BLMH: variants seen among roughly 807,000 people sequenced by gnomAD.
BLMH encodes bleomycin hydrolase, also known as BLM hydrolase.
BLMH carries 32 observed loss-of-function variants against 61.6 expected under a neutral mutation model. The ratio of observed to expected loss-of-function variants is 0.52; its 90% CI spans 0.39 to 0.70. The LOEUF is 0.70. Ranked by LOEUF, BLMH falls within the 30% of genes least tolerant of loss-of-function variation. The pLI, the probability that BLMH is intolerant of heterozygous loss-of-function variation, is 0.00. For synonymous variants in BLMH, 183 were observed against 193.8 expected (o/e 0.94, Z 0.46); for missense variants, 460 against 555.5 (o/e 0.83, Z 1.73).
At position 30,249,430 on chromosome 17, in the gene BLMH, T is replaced by C. The variant is rs969716908; in HGVS notation, c.1217-262A>G. The C allele has an allele frequency of 8.7e-5, 37 of 427,026 alleles. 1 individual carries two copies. The highest frequency in any genetic ancestry group is 5.3e-4 in the South Asian group (22 of 41,486). The allele number at this position is 427,026 out of a possible 1,614,324, so 26.5% of individuals were successfully genotyped here. Reference sequence around the variant, plus strand: ...CAGGTCACATGGTGAGGTTCAGAGCTGGGCCTTGGACCTAAGGCTAACACC... The same window carrying C: ...CAGGTCACATGGTGAGGTTCAGAGCCGGGCCTTGGACCTAAGGCTAACACC... On this transcript the variant is annotated intron_variant, in intron 11 of 11. Coordinates refer to ENST00000261714, the MANE Select transcript of BLMH (RefSeq NM_000386.4).
Position 30,285,543 on chromosome 17 carries a change from T to C in BLMH, c.553-63A>G, listed in dbSNP as rs755842046. The C allele has an allele frequency of 8.8e-5, 117 of 1,323,642 alleles. 1 individual carries two copies. The highest frequency in any genetic ancestry group is 1.2e-4 in the Non-Finnish European group (113 of 945,114). The allele number at this position is 1,323,642 out of a possible 1,614,324, so 82.0% of individuals were successfully genotyped here. On this transcript the variant is annotated intron_variant, in intron 5 of 11. Transcript: ENST00000261714. ...CGAATTCAATTGTAAATGACTCTCATAGACCAACGCAAGTTCTATTTTGAG... is the reference window on the plus strand; with the variant it reads ...CGAATTCAATTGTAAATGACTCTCACAGACCAACGCAAGTTCTATTTTGAG...
intron 6 of BLMH, among the ~76,000 whole-genome samples, chr17:30,275,039 TAAAAAA>T (rs539113684): frequency 8.0e-6 from 1 of 125,450 alleles, no homozygotes; most frequent in Non-Finnish European, 1.7e-5. Context: ...AGTCATGGTT[TAAAAAA>T]AAAAAAAAAA....
At chr17:30,264,060 C>T (rs1457842718) in intron 11 of BLMH, among the ~76,000 whole-genome samples, 2 of 152,212 alleles carry the variant, frequency 1.3e-5, no homozygotes, top group East Asian at 1.9e-4. Flanking sequence ...ACATACTATG[C>T]GCTCTCCTGA....
chr17:30,252,989 CTAAG>C (rs1907715003), intron 11 of BLMH, among the ~76,000 whole-genome samples: 1 of 152,238 alleles, frequency 6.6e-6, no homozygotes, highest in African/African-American at 2.4e-5. Flanking sequence ...ATACTGCATC[CTAAG>C]TGAGTGCTTC....
intron 5 of BLMH, 164 bp from the exon 6 acceptor site, chr17:30,285,644 A>G (rs1162569118): frequency 1.0e-5 from 5 of 482,964 alleles, no homozygotes; most frequent in Middle Eastern, 5.3e-4. Context: ...ACTTAAACAC[A>G]TAGCTAAAAA....
intron 6 of BLMH, among the ~76,000 whole-genome samples, chr17:30,280,485 ATTT>A (rs1262844237): frequency 1.3e-5 from 2 of 151,998 alleles, no homozygotes; most frequent in Non-Finnish European, 2.9e-5. Context: ...ACTTCTTTTT[ATTT>A]TTTTAAGAGA....
At position 30,249,030 on chromosome 17, in the gene BLMH, G is replaced by A. The variant is rs1265234023; in HGVS notation, c.1355C>T (p.Ala452Val). 6.2e-7 allele frequency: 1 copy of A among 1,613,920 alleles called. No individual in the cohort carries two copies. Among genetic ancestry groups the A allele is most frequent in the African/African-American group, 1.3e-5 (1 of 74,914 alleles). ...TGGAGGGCAGTATCACTCAGCCAAA[G>A]CTCCCATGGGGTCCCATGCTGGCAG... ...IILPAWDPMGALAE is the reference protein window; with the variant it reads ...IILPAWDPMGVLAE The change falls in exon 12 of 12, where the codon GCT becomes GTT. Residue 452 changes from alanine to valine, a missense_variant. Transcript: ENST00000261714.
In BLMH at chr17:30,289,469, G is replaced by C; in HGVS notation, c.225C>G (p.Ile75Met). The C allele has an allele frequency of 6.2e-7, 1 of 1,610,248 alleles. No individual in the cohort carries two copies. Among genetic ancestry groups the C allele is most frequent in the Non-Finnish European group, 8.5e-7 (1 of 1,177,960 alleles). The change falls in exon 3 of 12, where the codon ATC (isoleucine) becomes ATG (methionine). Residue 75 changes from isoleucine (I) to methionine (M), a missense_variant. Around this residue, in one of 5 missense-constraint regions of BLMH, gnomAD observed 7 missense variants for 22.6 expected, o/e 0.31. Coordinates refer to ENST00000261714, the MANE Select transcript of BLMH (RefSeq NM_000386.4). Reference sequence around the variant, plus strand: ...GCCTCATAACATTCAGACAAGAAAAGATCCAGCATCGCCCTGAAACAAGAA... The same window carrying C: ...GCCTCATAACATTCAGACAAGAAAACATCCAGCATCGCCCTGAAACAAGAA... ...TNQKSSGRCWIFSCLNVMRLP... is the reference protein window; with the variant it reads ...TNQKSSGRCWMFSCLNVMRLP...
At chr17:30,251,820 G>A (rs764913561) in intron 11 of BLMH, among the ~76,000 whole-genome samples, 14 of 152,308 alleles carry the variant, frequency 9.2e-5, no homozygotes, top group Admixed American at 4.6e-4. Context: ...ATTAGGGACC[G>A]AAAACATTCT....
In BLMH at chr17:30,289,434, A is replaced by T. The variant is rs1303100944; in HGVS notation, c.260T>A (p.Met87Lys). The T allele has an allele frequency of 6.2e-7, 1 of 1,612,854 alleles. No individual in the cohort carries two copies. The highest frequency in any genetic ancestry group is 1.3e-5 in the African/African-American group (1 of 75,014). ...AAATTCTTCAATATTTAACTTTTTC[A>T]TGAATGGAAGCCTCATAACATTCAG... is the stretch of plus-strand genomic sequence containing the variant. ...SCLNVMRLPF[M>K]KKLNIEEFEF... Residue 87 changes from methionine (M) to lysine (K), a missense_variant, in exon 3 of 12, where the codon ATG becomes AAG. Coordinates refer to ENST00000261714, the MANE Select transcript of BLMH (RefSeq NM_000386.4).
At chr17:30,286,517 GCACC>G in intron 5 of BLMH, among the ~76,000 whole-genome samples, 1 of 152,130 alleles carries the variant, frequency 6.6e-6, no homozygotes, top group African/African-American at 2.4e-5. Flanking sequence ...GAGAGACACC[GCACC>G]CTGTGTGCTT....
In BLMH at chr17:30,248,905, T is replaced by C. The variant is rs1174875997; in HGVS notation, c.*112A>G. On this transcript the variant is annotated 3_prime_UTR_variant, in exon 12 of 12. Transcript: ENST00000261714. ...TCCTGGTGGAGACTGGAAATCTGAC[T>C]GTGTCCTGTGGCAACACACAGTCCC... 7.5e-7 allele frequency: 1 copy of C among 1,338,386 alleles called. No homozygotes were observed. The highest frequency in any genetic ancestry group is 1.0e-6 in the Non-Finnish European group (1 of 969,166). 82.9% of individuals were successfully genotyped at this position (1,338,386 alleles called of 1,614,324 possible).
At chr17:30,261,006 T>C (rs752321517) in intron 11 of BLMH, among the ~76,000 whole-genome samples, 7 of 152,134 alleles carry the variant, frequency 4.6e-5, no homozygotes, top group Non-Finnish European at 8.8e-5. Context: ...ACAAAACAAA[T>C]TTGCAACTTG....
intron 11 of BLMH, among the ~76,000 whole-genome samples, chr17:30,264,057 A>C (rs982447328): frequency 3.3e-5 from 5 of 152,212 alleles, no homozygotes; most frequent in Admixed American, 2.0e-4. Flanking sequence ...ATAACATACT[A>C]TGCGCTCTCC....
At chr17:30,252,251 A>G (rs1907687767) in intron 11 of BLMH, 1 of 152,172 alleles carries the variant, frequency 6.6e-6, no homozygotes, top group African/African-American at 2.4e-5. Context: ...TGGTAAGTCT[A>G]ATTTTGTATG....
At chr17:30,286,966 G>T in intron 4 of BLMH, 64 bp from the exon 5 acceptor site, 1 of 1,049,036 alleles carries the variant, frequency 9.5e-7, no homozygotes, top group Non-Finnish European at 1.4e-6. Context: ...CAAAAATAGT[G>T]ATTGTTTCAA....
rs137855289 is a variant in BLMH, at chr17:30,274,063, T to C, written c.780A>G (p.Pro260=). 24 of 1,613,994 alleles carry C rather than the reference T, an allele frequency of 1.5e-5. No individual in the cohort carries two copies. In the East Asian group the frequency reaches 4.9e-4, roughly 33 times the overall value. Residue 260 remains proline (P), a synonymous_variant, in exon 7 of 12, where the codon CCA becomes CCG. Coordinates refer to ENST00000261714, the MANE Select transcript of BLMH (RefSeq NM_000386.4). The part of the protein sequence containing the change: ...PLEFYREHVK[P]LFNMEDKICL... Reference sequence around the variant, plus strand: ...CAACCTTATCTTCCATATTGAAGAGTGGCTTGACATGTTCCCTGTAAAACT... The same window carrying C: ...CAACCTTATCTTCCATATTGAAGAGCGGCTTGACATGTTCCCTGTAAAACT...
chr17:30,272,449 T>C (rs1033932045), intron 9 of BLMH, 112 bp downstream of exon 9: 1 of 1,189,254 alleles, frequency 8.4e-7, no homozygotes, highest in Non-Finnish European at 1.3e-6. Flanking sequence ...GACGCGCCCT[T>C]AGGTCAACCT....
At chr17:30,284,813 T>C (rs553142132) in intron 6 of BLMH, among the ~76,000 whole-genome samples, 2 of 150,934 alleles carry the variant, frequency 1.3e-5, no homozygotes, top group Non-Finnish European at 3.0e-5. Context: ...CTGAAAAAAG[T>C]TATGTTTCAG....
Sources: allele counts gnomAD v4.1 joint callset (sites outside exome capture counted in the v4.1 genomes callset), GRCh38; gene constraint gnomAD v4.1.1; regional missense constraint gnomAD v4.1.1; transcripts MANE v1.5; gene names NCBI Gene and HGNC (gene_info 2026-07-23, HGNC 2026-07-21).